ANKRD26: variants seen among roughly 807,000 people sequenced by gnomAD.
ANKRD26 encodes ankyrin repeat domain-containing protein 26.
A neutral mutation model predicts 208.7 loss-of-function variants in ANKRD26; 141 were observed. The observed-to-expected ratio is 0.68, with a 90% confidence interval of 0.59 to 0.78. The LOEUF is 0.78. ANKRD26 is among the 30% of genes least tolerant of loss of function. ANKRD26 has a pLI of 0.00. For synonymous variants in ANKRD26, 636 were observed against 660.4 expected (o/e 0.96, Z 0.57); for missense variants, 1,889 against 1,938.7 (o/e 0.97, Z 0.48).
rs369676324 is a variant in ANKRD26 at position 27,014,511 on chromosome 10, C to T, written c.4707G>A (p.Leu1569=). The change falls in exon 31 of 34, where the codon TTG becomes TTA. Residue 1569 remains leucine, a synonymous_variant. Transcript: ENST00000376087. The part of the protein sequence containing the change: ...YLEELKVRKS[L]SSKLTKTNER... ...TGACTTACTTGGTTAGTTTACTTGA[C>T]AAAGATTTTCTAACTTTTAATTCTT... The T allele has an allele frequency of 2.3e-5, 37 of 1,580,344 alleles. No homozygotes were observed. The highest frequency in any genetic ancestry group is 3.2e-5 in the Non-Finnish European group (37 of 1,154,930).
At chr10:27,056,134 A>G (rs974644531) in intron 15 of ANKRD26, among the ~76,000 whole-genome samples, 2 of 152,206 alleles carry the variant, frequency 1.3e-5, no homozygotes, top group Admixed American at 1.3e-4. Flanking sequence ...TGTAGGTTAC[A>G]TAAGGAGAAT....
chr10:26,980,181 G>A (rs182158252), intron 5 of ANKRD26, among the ~76,000 whole-genome samples: 51 of 152,290 alleles, frequency 3.3e-4, no homozygotes, highest in African/African-American at 1.2e-3. Context: ...ATTCCTTTGG[G>A]TTCTGGTGGC....
intron 30 of ANKRD26, among the ~76,000 whole-genome samples, chr10:27,015,279 C>T (rs757824357): frequency 8.5e-5 from 13 of 152,142 alleles, no homozygotes; most frequent in Non-Finnish European, 8.8e-5. Flanking sequence ...AAATGCTGTG[C>T]GCATCAATAC....
intron 4 of ANKRD26, among the ~76,000 whole-genome samples, chr10:27,089,716 C>G (rs1403188224): frequency 1.3e-5 from 2 of 152,198 alleles, no homozygotes; most frequent in Non-Finnish European, 2.9e-5. Context: ...CTCCTTAGCC[C>G]ACGGCTTGAA....
downstream of ANKRD26, among the ~76,000 whole-genome samples, chr10:26,969,715 T>A (rs1457239868): frequency 6.6e-6 from 1 of 152,176 alleles, no homozygotes; most frequent in South Asian, 2.1e-4. Context: ...TTAGTATTTA[T>A]GCATTTTTTT....
intron 21 of ANKRD26, 105 bp downstream of exon 21, chr10:27,039,860 G>T (rs1004703950): frequency 4.9e-5 from 52 of 1,063,568 alleles, no homozygotes; most frequent in Non-Finnish European, 7.3e-5. Flanking sequence ...AGACTAAGAA[G>T]TTTTCTTCCC....
chr10:27,018,632 G>A (rs2053385380), intron 29 of ANKRD26, among the ~76,000 whole-genome samples: 1 of 152,110 alleles, frequency 6.6e-6, no homozygotes. Context: ...ATTCCAAGGG[G>A]TAATAATTAT....
At position 27,005,615 on chromosome 10, in the gene ANKRD26, A is replaced by G; in HGVS notation, c.5108T>C (p.Val1703Ala). The G allele has an allele frequency of 6.2e-7, 1 of 1,612,692 alleles. No homozygotes were observed. The highest frequency in any genetic ancestry group is 8.5e-7 in the Non-Finnish European group (1 of 1,179,184). Residue 1703 changes from valine to alanine, a missense_variant, in exon 34 of 34, where the codon GTT becomes GCT. Val to Ala is a moderately conservative substitution (Grantham distance 64). This residue lies in a region of ANKRD26 where 613 missense variants were observed against 648.2 expected (regional missense o/e 0.95). Coordinates refer to ENST00000376087, the MANE Select transcript of ANKRD26 (RefSeq NM_014915.3). ...VWKASREYVQVLKKNYMI is the reference protein window; with the variant it reads ...VWKASREYVQALKKNYMI ...TCAGATCATATAATTTTTCTTTAAA[A>G]CCTGTACATATTCTCTTGATGCTTT...
chr10:27,082,049 TAAAAAAAA>T (rs994610726), intron 6 of ANKRD26, among the ~76,000 whole-genome samples: 35 of 67,646 alleles, frequency 5.2e-4, no homozygotes, highest in East Asian at 1.7e-3. Flanking sequence ...TGCAGTTATT[TAAAAAAAA>T]AAAAAAAAAA....
chr10:26,987,940 T>C (rs879699319), downstream of ANKRD26, among the ~76,000 whole-genome samples: 11 of 152,298 alleles, frequency 7.2e-5, no homozygotes, highest in Non-Finnish European at 1.3e-4. Flanking sequence ...CCTATAGTTA[T>C]CTGGTGATCA....
chr10:27,092,580 A>G (rs969065393), intron 3 of ANKRD26, 68 bp from the exon 4 acceptor site: 4 of 1,170,502 alleles, frequency 3.4e-6, no homozygotes, highest in African/African-American at 3.0e-5. Context: ...TGAAAACTCT[A>G]TGTCAGATCC....
intron 31 of ANKRD26, among the ~76,000 whole-genome samples, chr10:27,014,046 T>A (rs1431996330): frequency 2.6e-5 from 4 of 152,144 alleles, no homozygotes; most frequent in Non-Finnish European, 5.9e-5. Flanking sequence ...ATACCAGATA[T>A]CACAATCAAG....
rs189670718 is a variant in ANKRD26 at position 26,995,993 on chromosome 10, A to G, written c.563-846T>C. ...TGTATATTGCCATTCTCTCCAGGTGAAGGCAAACAACTATTGGCTGTGTGG... is the reference window on the plus strand; with the variant it reads ...TGTATATTGCCATTCTCTCCAGGTGGAGGCAAACAACTATTGGCTGTGTGG... On this transcript the variant is annotated intron_variant, in intron 4 of 5. Coordinates refer to the ANKRD26 transcript ENST00000445828. Among the ~76,000 whole-genome samples, 22 of 152,310 alleles carry G rather than the reference A, an allele frequency of 1.4e-4. No homozygotes were observed. In the East Asian group the frequency reaches 4.2e-3, roughly 29 times the overall value.
At chr10:27,052,292 CA>C in intron 16 of ANKRD26, 1 of 470,284 alleles carries the variant, frequency 2.1e-6, no homozygotes, top group Non-Finnish European at 2.8e-6. Flanking sequence ...AGGAGAAAAA[CA>C]TGAACCAGCA....
At chr10:26,971,584 G>T (rs562464001), downstream of ANKRD26, among the ~76,000 whole-genome samples, 1 of 150,462 alleles carries the variant, frequency 6.6e-6, no homozygotes, top group East Asian at 2.0e-4. Flanking sequence ...GCTGAGGCAG[G>T]AGAATCGCTT....
chr10:26,987,483 A>G (rs1237619203), downstream of ANKRD26, among the ~76,000 whole-genome samples: 2 of 152,162 alleles, frequency 1.3e-5, no homozygotes, highest in African/African-American at 2.4e-5. Flanking sequence ...ATTACCTCTA[A>G]TAAGGAAACC....
At chr10:27,023,270 A>G (rs567120242) in intron 28 of ANKRD26, among the ~76,000 whole-genome samples, 1 of 151,998 alleles carries the variant, frequency 6.6e-6, no homozygotes, top group Admixed American at 6.6e-5. Context: ...TGAACCCAGG[A>G]GGTGGAGGTT....
intron 5 of ANKRD26, among the ~76,000 whole-genome samples, chr10:27,085,094 TG>T (rs1225342203): frequency 2.6e-5 from 4 of 151,602 alleles, no homozygotes; most frequent in Admixed American, 6.6e-5. Context: ...AGAACACACT[TG>T]TTTTTTTTGT....
chr10:26,980,451 C>T (rs777371689), intron 5 of ANKRD26, among the ~76,000 whole-genome samples: 28 of 152,292 alleles, frequency 1.8e-4, no homozygotes, highest in Non-Finnish European at 2.8e-4. Context: ...GGCCATATGA[C>T]GAGTGACCTG....
Sources: gnomAD v4.1 joint callset for allele counts (sites outside exome capture counted in the v4.1 genomes callset) on GRCh38, gnomAD v4.1.1 for gene constraint, gnomAD v4.1.1 regional missense constraint, MANE v1.5 for transcripts, NCBI Gene and HGNC (gene_info 2026-07-23, HGNC 2026-07-21) for gene names.